MOB1B: variants seen among roughly 807,000 people sequenced by gnomAD.
MOB1B encodes MOB1 Mps One Binder homolog B.
MOB1B carries 19 observed loss-of-function variants against 24.4 expected under a neutral mutation model. The observed-to-expected ratio is 0.78, with a 90% CI of 0.54 to 1.14. The LOEUF (loss-of-function observed/expected upper bound fraction) is 1.14. Among genes scored for constraint, MOB1B ranks in the 50% most tolerant of loss-of-function variants. MOB1B has a pLI of 0.00. For synonymous variants in MOB1B, 76 were observed against 82.1 expected, an observed-to-expected ratio of 0.93 and a Z score of 0.40; for missense variants, 243 against 259.6, an observed-to-expected ratio of 0.94 and a Z score of 0.44.
intron 1 of MOB1B, among the ~76,000 whole-genome samples, chr4:70,929,426 ACC>A (rs903113915): frequency 1.3e-5 from 2 of 151,854 alleles, no homozygotes; most frequent in African/African-American, 4.8e-5. Flanking sequence ...TGATCTGCCC[ACC>A]TTGGCCTCCC....
chr4:70,915,398 A>G (rs1202386403), intron 1 of MOB1B, among the ~76,000 whole-genome samples: 1 of 152,246 alleles, frequency 6.6e-6, no homozygotes, highest in African/African-American at 2.4e-5. Flanking sequence ...GCCCGAGCAT[A>G]GGGGCTCAAG....
At chr4:70,933,787 T>A (rs949540745) in intron 1 of MOB1B, among the ~76,000 whole-genome samples, 1 of 151,974 alleles carries the variant, frequency 6.6e-6, no homozygotes, top group Non-Finnish European at 1.5e-5. Context: ...CGTGACCTTA[T>A]GATCCGTCCA....
In MOB1B at chr4:70,975,172, G is replaced by C; in HGVS notation, c.295G>C (p.Asp99His). The C allele has an allele frequency of 6.2e-7, 1 of 1,608,404 alleles. No individual in the cohort carries two copies. The highest frequency in any genetic ancestry group is 1.1e-5 in the South Asian group (1 of 89,682). The change falls in exon 4 of 6, where the codon GAT becomes CAT. Residue 99 changes from aspartate to histidine, a missense_variant. Physicochemically the swap from Asp to His is moderately conservative, Grantham distance 81 (BLOSUM62 -1). Transcript: ENST00000309395. The stretch of plus-strand genomic sequence containing the variant: ...ATGCAGATATGAGTATCATTGGGCA[G>C]ATGGAACGAACATAAAGAAACCTAT... ...AGPKYEYHWA[D>H]GTNIKKPIKC...
At position 70,959,010 on chromosome 4, in the gene MOB1B, G is replaced by A; in HGVS notation, c.151G>A (p.Glu51Lys). Residue 51 changes from glutamate (E) to lysine (K), a missense_variant, in exon 2 of 6, where the codon GAA (glutamate) becomes AAA (lysine). By Grantham distance (56) the Glu-to-Lys change is moderately conservative (BLOSUM62 1). Coordinates refer to ENST00000309395, the MANE Select transcript of MOB1B (RefSeq NM_173468.4). ...LRMAVMLPEG[E>K]DLNEWVAVNT... ...GATGGCTGTCATGCTTCCTGAAGGGGAAGATCTCAATGAATGGGTTGCAGT... is the reference window on the plus strand; with the variant it reads ...GATGGCTGTCATGCTTCCTGAAGGGAAAGATCTCAATGAATGGGTTGCAGT... 8.1e-6 allele frequency: 13 copies of A among 1,613,956 alleles called. No individual in the cohort carries two copies. Among genetic ancestry groups the A allele is most frequent in the Non-Finnish European group, 1.1e-5 (13 of 1,179,974 alleles).
chr4:70,968,875 A>G (rs1738645609), intron 2 of MOB1B, among the ~76,000 whole-genome samples: 1 of 152,126 alleles, frequency 6.6e-6, no homozygotes, highest in Non-Finnish European at 1.5e-5. Context: ...CTCTTGCCTC[A>G]GCCTCCCAAA....
intron 1 of MOB1B, among the ~76,000 whole-genome samples, chr4:70,937,815 C>T (rs1468164513): frequency 1.3e-5 from 2 of 152,124 alleles, no homozygotes; most frequent in East Asian, 1.9e-4. Context: ...CGTGAGCCAC[C>T]GTGCCCGGCC....
chr4:70,902,541 GCTT>G lies in MOB1B; in HGVS notation c.9_11del (p.Phe3del), dbSNP rs1560622720. 1 of 1,564,646 alleles carries G rather than the reference GCTT, an allele frequency of 6.4e-7. No homozygotes were observed. Among genetic ancestry groups the G allele is most frequent in the Non-Finnish European group, 8.7e-7 (1 of 1,155,696 alleles). Reference sequence around the variant, plus strand: ...GCAGCCTGCCCCGCGGCCAACATGAGCTTCTTGTTGTGAGTAGCCAGGCCCCGC... The same window carrying G: ...GCAGCCTGCCCCGCGGCCAACATGAGCTTGTTGTGAGTAGCCAGGCCCCGC... On this transcript the variant is annotated inframe_deletion, in exon 1 of 6. Transcript: ENST00000309395.
chr4:70,952,642 C>CA (rs541028817), intron 1 of MOB1B, among the ~76,000 whole-genome samples: 9,383 of 52,976 alleles, frequency 0.18, 1,040 homozygotes, highest in African/African-American at 0.34. Context: ...GACGCCGTCT[C>CA]AAAAAAAAAA....
At chr4:70,972,643 C>T (rs1179840737) in intron 3 of MOB1B, among the ~76,000 whole-genome samples, 1 of 152,172 alleles carries the variant, frequency 6.6e-6, no homozygotes, top group Non-Finnish European at 1.5e-5. Context: ...ATGAGAAAGG[C>T]ATCGCGGCAA....
chr4:70,945,015 T>C (rs1737521289), intron 1 of MOB1B, among the ~76,000 whole-genome samples: 1 of 152,288 alleles, frequency 6.6e-6, no homozygotes, highest in South Asian at 2.1e-4. Context: ...GCCAATACCA[T>C]ATGGAGCTCA....
rs1286249802 is a variant in MOB1B, at chr4:70,975,218, A to G, written c.341A>G (p.Tyr114Cys). ...KKPIKCSAPK[Y>C]IDYLMTWVQD... is the part of the protein sequence containing the mutation. Reference sequence around the variant, plus strand: ...CCTATTAAGTGCTCTGCACCAAAGTATATTGATTACTTGATGACTTGGGTT... The same window carrying G: ...CCTATTAAGTGCTCTGCACCAAAGTGTATTGATTACTTGATGACTTGGGTT... Residue 114 changes from tyrosine (Y) to cysteine (C), a missense_variant, in exon 4 of 6, where the codon TAT becomes TGT. Tyr to Cys is a radical substitution (Grantham distance 194). Transcript: ENST00000309395. The G allele has an allele frequency of 4.3e-6, 7 of 1,613,604 alleles. No homozygotes were observed. The highest frequency in any genetic ancestry group is 3.3e-5 in the South Asian group (3 of 90,998).
intron 1 of MOB1B, among the ~76,000 whole-genome samples, chr4:70,940,698 CAG>C (rs1258528465): frequency 8.6e-5 from 12 of 139,210 alleles, no homozygotes; most frequent in African/African-American, 3.0e-4. Flanking sequence ...TTTTTTGAGA[CAG>C]AGTTTCGCTC....
intron 5 of MOB1B, among the ~76,000 whole-genome samples, chr4:70,980,383 C>T (rs1403336096): frequency 1.3e-5 from 2 of 152,316 alleles, no homozygotes; most frequent in African/African-American, 2.4e-5. Flanking sequence ...TATATTCTCC[C>T]TCCAGAAGGG....
At chr4:70,902,677 A>C in intron 1 of MOB1B, 127 bp downstream of exon 1, 1 of 903,998 alleles carries the variant, frequency 1.1e-6, no homozygotes, top group Non-Finnish European at 1.5e-6. Flanking sequence ...GCCCGGCGTC[A>C]CCACCAAGCG....
At chr4:70,918,416 T>A (rs994430188) in intron 1 of MOB1B, among the ~76,000 whole-genome samples, 1 of 151,780 alleles carries the variant, frequency 6.6e-6, no homozygotes, top group African/African-American at 2.4e-5. Flanking sequence ...ATTGTGGTTT[T>A]GATTTGCATT....
intron 1 of MOB1B, among the ~76,000 whole-genome samples, chr4:70,928,508 G>T (rs981687574): frequency 2.0e-5 from 3 of 151,924 alleles, no homozygotes; most frequent in African/African-American, 7.3e-5. Flanking sequence ...TGTTGTTCAG[G>T]CTGGTCTCGA....
chr4:70,969,792 T>A, intron 2 of MOB1B, 139 bp from the exon 3 acceptor site: 1 of 482,712 alleles, frequency 2.1e-6, no homozygotes, highest in Non-Finnish European at 3.6e-6. Context: ...TTTCAATGTA[T>A]TGATACTTCT....
At chr4:70,935,786 C>A (rs1285954255) in intron 1 of MOB1B, among the ~76,000 whole-genome samples, 1 of 151,922 alleles carries the variant, frequency 6.6e-6, no homozygotes, top group Non-Finnish European at 1.5e-5. Context: ...GGCGATTCTC[C>A]CACCTCAAGC....
intron 1 of MOB1B, chr4:70,942,974 C>T (rs530697325): frequency 8.0e-4 from 173 of 217,090 alleles, no homozygotes; most frequent in Non-Finnish European, 1.2e-3. Flanking sequence ...TCAGTGGGTT[C>T]GGGGAGTTCA....
Sources: allele counts gnomAD v4.1 joint callset (sites outside exome capture counted in the v4.1 genomes callset), GRCh38; gene constraint gnomAD v4.1.1; transcripts MANE v1.5; gene names NCBI Gene and HGNC (gene_info 2026-07-23, HGNC 2026-07-21).